The following KIAA1549L variants were observed in gnomAD, a reference collection of about 807,000 sequenced individuals.
KIAA1549L encodes UPF0606 protein KIAA1549L.
In KIAA1549L, 88 loss-of-function variants were observed where a neutral mutation model predicts 160.7. That is an observed-to-expected ratio of 0.55 (90% CI 0.46 to 0.65). The LOEUF is 0.65. Ranked by LOEUF, KIAA1549L falls within the 30% of genes least tolerant of loss-of-function variation. KIAA1549L has a pLI of 0.00. For synonymous variants in KIAA1549L, 950 were observed against 976.7 expected (o/e 0.97, Z 0.51); for missense variants, 2,258 against 2,437.5 (o/e 0.93, Z 1.55).
At chr11:33,584,438 G>A (rs1208746689) in intron 11 of KIAA1549L, among the ~76,000 whole-genome samples, 1 of 152,204 alleles carries the variant, frequency 6.6e-6, no homozygotes, top group Non-Finnish European at 1.5e-5. Flanking sequence ...TCCACCCACT[G>A]CGGCCTCCAC....
chr11:33,591,612 G>C (rs559592414), intron 12 of KIAA1549L, among the ~76,000 whole-genome samples, 191 bp downstream of exon 12: 2 of 152,224 alleles, frequency 1.3e-5, no homozygotes, highest in African/African-American at 4.8e-5. Context: ...GCTACGCTTT[G>C]TAAGGTTTTA....
chr11:33,480,849 A>G (rs913385916), intron 1 of KIAA1549L, among the ~76,000 whole-genome samples: 1 of 152,202 alleles, frequency 6.6e-6, no homozygotes, highest in Non-Finnish European at 1.5e-5. Flanking sequence ...TGTCACCCCC[A>G]TCAGAAGCCC....
chr11:33,530,892 A>G (rs7482718), intron 1 of KIAA1549L, among the ~76,000 whole-genome samples: 3 of 152,212 alleles, frequency 2.0e-5, no homozygotes, highest in Non-Finnish European at 4.4e-5. Context: ...TGATTTTGTT[A>G]TGTTAAAAGA....
At chr11:33,576,948 C>T (rs142117811) in intron 10 of KIAA1549L, among the ~76,000 whole-genome samples, 41 of 152,170 alleles carry the variant, frequency 2.7e-4, no homozygotes, top group Admixed American at 3.3e-4. Flanking sequence ...ATATAGGTGA[C>T]ATTTAGAGCT....
At chr11:33,553,306 A>ATT (rs5790938) in intron 6 of KIAA1549L, among the ~76,000 whole-genome samples, 39 of 144,974 alleles carry the variant, frequency 2.7e-4, no homozygotes, top group East Asian at 2.0e-3. Context: ...GGTGCGCTGT[A>ATT]TTTTTTTTTT....
chr11:33,416,116 C>T (rs1355036121), intron 1 of KIAA1549L, among the ~76,000 whole-genome samples: 2 of 152,156 alleles, frequency 1.3e-5, no homozygotes, highest in African/African-American at 4.8e-5. Flanking sequence ...AGGGGGAGGA[C>T]TGTCCTGAGG....
At chr11:33,441,800 A>T (rs1286507028) in intron 1 of KIAA1549L, among the ~76,000 whole-genome samples, 2 of 151,982 alleles carry the variant, frequency 1.3e-5, no homozygotes, top group East Asian at 1.9e-4. Context: ...ATTTGAGTTC[A>T]TTGTAGATTC....
intron 20 of KIAA1549L, among the ~76,000 whole-genome samples, chr11:33,667,447 C>T (rs1401065222): frequency 6.6e-6 from 1 of 151,654 alleles, no homozygotes; most frequent in Non-Finnish European, 1.5e-5. Context: ...GGCTGGAGTG[C>T]AGTGGTACAA....
intron 16 of KIAA1549L, among the ~76,000 whole-genome samples, chr11:33,639,361 G>A (rs1851526152): frequency 6.6e-6 from 1 of 152,090 alleles, no homozygotes; most frequent in African/African-American, 2.4e-5. Context: ...AAGACCAGGG[G>A]CCCATGTGTG....
In KIAA1549L at chr11:33,672,878, C is replaced by T. The variant is rs572747691; in HGVS notation, c.*4724C>T. The T allele has an allele frequency of 2.6e-5, 4 of 153,930 alleles. No individual in the cohort carries two copies. Among genetic ancestry groups the T allele is most frequent in the Admixed American group, 2.0e-4 (3 of 15,310 alleles). 9.5% of individuals were successfully genotyped at this position (153,930 alleles called of 1,614,324 possible). A position where few individuals can be genotyped will look rare whatever the true frequency, so the allele number is the denominator to read the frequency against. ...TTGCATGATCTTAGCTCAGGTGCTACTAATGTGGCTCACGGCCACACACTT... is the reference window on the plus strand; with the variant it reads ...TTGCATGATCTTAGCTCAGGTGCTATTAATGTGGCTCACGGCCACACACTT... On this transcript the variant is annotated 3_prime_UTR_variant, in exon 21 of 21. Transcript: ENST00000658780.
At chr11:33,608,137 T>A (rs1203187121) in intron 14 of KIAA1549L, among the ~76,000 whole-genome samples, 1 of 152,258 alleles carries the variant, frequency 6.6e-6, no homozygotes, top group Non-Finnish European at 1.5e-5. Context: ...CTCAGGGGTT[T>A]GAGCCTCAGA....
intron 1 of KIAA1549L, among the ~76,000 whole-genome samples, chr11:33,531,290 T>G (rs965266325): frequency 6.6e-6 from 1 of 152,144 alleles, no homozygotes; most frequent in Non-Finnish European, 1.5e-5. Context: ...CTAATCAATA[T>G]GGTAAAACCC....
At position 33,547,831 on chromosome 11, in the gene KIAA1549L, C is replaced by T. The variant is rs1299330360; in HGVS notation, c.3453C>T (p.Leu1151=). The T allele has an allele frequency of 1.2e-6, 2 of 1,613,694 alleles. No homozygotes were observed. Among genetic ancestry groups the T allele is most frequent in the South Asian group, 1.1e-5 (1 of 90,976 alleles). Residue 1151 remains leucine, a synonymous_variant, in exon 4 of 21, where the codon CTC becomes CTT. Transcript: ENST00000658780. ...TGAAGTTCAGTATCGCCAAAGGGCT[C>T]ACACAGGCATTGCGGAAGGCTTTCC... The part of the protein sequence containing the change: ...ESLKFSIAKG[L]TQALRKAFHQ...
chr11:33,640,114 ATG>A (rs144060713), intron 16 of KIAA1549L, among the ~76,000 whole-genome samples: 3,829 of 152,132 alleles, frequency 0.025, 161 homozygotes, highest in African/African-American at 0.084. Flanking sequence ...GCCTGCATAT[ATG>A]TGTGTGTGTT....
At chr11:33,561,134 C>T (rs1419869070) in intron 7 of KIAA1549L, among the ~76,000 whole-genome samples, 1 of 152,144 alleles carries the variant, frequency 6.6e-6, no homozygotes, top group African/African-American at 2.4e-5. Flanking sequence ...AAACTTAAGT[C>T]CTTGACACTG....
chr11:33,400,787 A>C (rs1850482835), intron 1 of KIAA1549L, among the ~76,000 whole-genome samples: 1 of 152,192 alleles, frequency 6.6e-6, no homozygotes, highest in Admixed American at 6.5e-5. Flanking sequence ...CCCATGATCC[A>C]GACACTGTGC....
chr11:33,528,045 G>A (rs924481430), intron 1 of KIAA1549L, among the ~76,000 whole-genome samples: 1 of 152,282 alleles, frequency 6.6e-6, no homozygotes, highest in African/African-American at 2.4e-5. Flanking sequence ...CTTGCTTGCT[G>A]CCACTTAAGA....
intron 15 of KIAA1549L, among the ~76,000 whole-genome samples, chr11:33,615,943 G>A (rs1286496132): frequency 6.6e-6 from 1 of 152,172 alleles, no homozygotes; most frequent in Non-Finnish European, 1.5e-5. Flanking sequence ...GAATCACTAG[G>A]AGCAGATTGT....
chr11:33,497,549 C>A (rs941066531), intron 1 of KIAA1549L, among the ~76,000 whole-genome samples: 12 of 152,160 alleles, frequency 7.9e-5, no homozygotes, highest in African/African-American at 2.7e-4. Flanking sequence ...AACCCCAAAG[C>A]ACCATAAAAC....
Sources: gnomAD v4.1 joint callset for allele counts (sites outside exome capture counted in the v4.1 genomes callset) on GRCh38, gnomAD v4.1.1 for gene constraint, MANE v1.5 for transcripts, NCBI Gene and HGNC (gene_info 2026-07-23, HGNC 2026-07-21) for gene names.